Variants in STX11 observed in about 807,000 individuals in gnomAD.
STX11 encodes syntaxin-11.
STX11 carries 21 observed loss-of-function variants against 19.9 expected under a neutral mutation model. The observed-to-expected ratio is 1.06, with a 90% CI of 0.75 to 1.52. The LOEUF is 1.52. Ranked by LOEUF, STX11 falls within the 40% of genes most tolerant of loss-of-function variation. The probability of loss-of-function intolerance (pLI) is 0.00; values close to 1 mark genes in which losing one functional copy is unlikely to be tolerated. For missense variants in STX11, 438 were observed against 405.9 expected, an observed-to-expected ratio of 1.08 and a Z score of -0.68; for synonymous variants, 193 against 174.4, an observed-to-expected ratio of 1.11 and a Z score of -0.84.
rs1468649625 is a variant in STX11, at chr6:144,187,628, G to A, written c.*137G>A. The A allele has an allele frequency of 8.2e-7, 1 of 1,219,044 alleles. No homozygotes were observed. The highest frequency in any genetic ancestry group is 1.5e-5 in the African/African-American group (1 of 65,558). 75.5% of individuals were successfully genotyped at this position (1,219,044 alleles called of 1,614,324 possible). A position where few individuals can be genotyped will look rare whatever the true frequency, so the allele number is the denominator to read the frequency against. On this transcript the variant is annotated 3_prime_UTR_variant, in exon 2 of 2. Coordinates refer to ENST00000367568, the MANE Select transcript of STX11 (RefSeq NM_003764.4). The surrounding 1 kb of genome is among the most constrained non-coding windows in gnomAD (Gnocchi z 5.6). ...CTCAGTCTTTAGAAAAGAAACGCCA[G>A]GTTCAAGAATTGCAAACCAGCCTGT...
rs1203316679 is a variant in STX11 at position 144,167,603 on chromosome 6, C to T, written c.-6+16900C>T. 2.0e-5 allele frequency among the ~76,000 whole-genome samples: 3 copies of T among 152,182 alleles called. No individual in the cohort carries two copies. The highest frequency in any genetic ancestry group is 2.1e-4 in the South Asian group (1 of 4,830). On this transcript the variant is annotated intron_variant, in intron 1 of 1. Coordinates refer to ENST00000367568, the MANE Select transcript of STX11 (RefSeq NM_003764.4). The surrounding 1 kb of genome is among the most constrained non-coding windows in gnomAD (Gnocchi z 5.0). ...ATGCTGCTGATAAGCAATCACTTCT[C>T]CTTTTTTTCATTTCTTTTTTATTTT...
At chr6:144,158,147 C>G (rs1801225026) in intron 1 of STX11, among the ~76,000 whole-genome samples, 1 of 152,210 alleles carries the variant, frequency 6.6e-6, no homozygotes, top group Non-Finnish European at 1.5e-5. Flanking sequence ...ACCCTAAACT[C>G]TTATGCCTTT....
chr6:144,187,228 C>T lies in STX11; in HGVS notation c.601C>T (p.Arg201Trp). The T allele has an allele frequency of 6.2e-7, 1 of 1,613,900 alleles. No homozygotes were observed. Among genetic ancestry groups the T allele is most frequent in the Middle Eastern group, 1.6e-4 (1 of 6,062 alleles). ...ENLLADVKGA[R>W]AALNEIESRH... ...CTTGCTGGCCGACGTGAAGGGCGCG[C>T]GGGCCGCCCTCAACGAGATCGAGAG... The change falls in exon 2 of 2, where the codon CGG becomes TGG. Residue 201 changes from arginine (R) to tryptophan (W), a missense_variant. Physicochemically the swap from Arg to Trp is moderately radical, Grantham distance 101. Transcript: ENST00000367568. The surrounding 1 kb of genome is among the most constrained non-coding windows in gnomAD (Gnocchi z 5.6).
chr6:144,180,548 T>C lies in STX11; in HGVS notation c.-5-6075T>C, dbSNP rs1801886307. 6.6e-6 allele frequency among the ~76,000 whole-genome samples: 1 copy of C among 152,192 alleles called. No homozygotes were observed. Among genetic ancestry groups the C allele is most frequent in the South Asian group, 2.1e-4 (1 of 4,830 alleles). ...GTTTATCAGGGGTTTCTGCTTTTGC[T>C]CCTTCCTCATTTTCTCTTGCCACCA... On this transcript the variant is annotated intron_variant, in intron 1 of 1. Transcript: ENST00000367568. This position sits in a 1 kb window ranked among gnomAD's most constrained non-coding sequence, Gnocchi z 5.3.
chr6:144,155,988 T>C lies in STX11; in HGVS notation c.-6+5285T>C, dbSNP rs1034629021. ...TTTCTTTCTTTCTTTCTTTCTTTCT[T>C]TCTTTCTTTCTTTCTTTCTTTCTTT... On this transcript the variant is annotated intron_variant, in intron 1 of 1. Transcript: ENST00000367568. The surrounding 1 kb of genome is among the most constrained non-coding windows in gnomAD (Gnocchi z 4.5). Among the ~76,000 whole-genome samples the C allele has an allele frequency of 2.0e-3, 268 of 132,640 alleles. 15 individuals are homozygous for C. In the East Asian group the frequency reaches 0.035, roughly 18 times the overall value. 87.0% of individuals were successfully genotyped at this position (132,640 alleles called of 152,430 possible).
At position 144,176,809 on chromosome 6, in the gene STX11, A is replaced by G. The variant is rs187657747; in HGVS notation, c.-5-9814A>G. ...AAAAAGCAAGGAAGTGTGTCCAGGC[A>G]TTTTAGAAGAGGATTTCCAACAAAG... On this transcript the variant is annotated intron_variant, in intron 1 of 1. Coordinates refer to ENST00000367568, the MANE Select transcript of STX11 (RefSeq NM_003764.4). This position sits in a 1 kb window ranked among gnomAD's most constrained non-coding sequence, Gnocchi z 4.1. Among the ~76,000 whole-genome samples, 8 of 152,272 alleles carry G rather than the reference A, an allele frequency of 5.3e-5. No individual in the cohort carries two copies. The highest frequency in any genetic ancestry group is 1.4e-4 in the African/African-American group (6 of 41,566).
At chr6:144,178,840 T>C (rs1427352693) in intron 1 of STX11, among the ~76,000 whole-genome samples, 1 of 62,870 alleles carries the variant, frequency 1.6e-5, no homozygotes, top group Non-Finnish European at 4.0e-5. Context: ...CGATACAAGC[T>C]TTTTTTTTTT....
In STX11 at chr6:144,153,793, G is replaced by A. The variant is rs1482647664; in HGVS notation, c.-6+3090G>A. ...TTTAATAGGTGGAACCCTGTCGGGTGTGTGTAATGAGGAGGTAGGAGCAGT... is the reference window on the plus strand; with the variant it reads ...TTTAATAGGTGGAACCCTGTCGGGTATGTGTAATGAGGAGGTAGGAGCAGT... On this transcript the variant is annotated intron_variant, in intron 1 of 1. Coordinates refer to ENST00000367568, the MANE Select transcript of STX11 (RefSeq NM_003764.4). This position sits in a 1 kb window ranked among gnomAD's most constrained non-coding sequence, Gnocchi z 5.0. 2.7e-4 allele frequency among the ~76,000 whole-genome samples: 41 copies of A among 152,142 alleles called. No individual in the cohort carries two copies. The highest frequency in any genetic ancestry group is 1.5e-5 in the Non-Finnish European group (1 of 68,026).
In STX11 at chr6:144,155,270, G is replaced by A. The variant is rs1801106848; in HGVS notation, c.-6+4567G>A. On this transcript the variant is annotated intron_variant, in intron 1 of 1. Transcript: ENST00000367568. The surrounding 1 kb of genome is among the most constrained non-coding windows in gnomAD (Gnocchi z 4.5). The stretch of plus-strand genomic sequence containing the variant: ...AACTGAATCAGCAAACTCACTTATT[G>A]AAGCTTTAAAATGTTCAAATGTCCA... Among the ~76,000 whole-genome samples, 1 of 152,180 alleles carries A rather than the reference G, an allele frequency of 6.6e-6. No individual in the cohort carries two copies. The highest frequency in any genetic ancestry group is 2.4e-5 in the African/African-American group (1 of 41,440).
chr6:144,157,440 G>A (rs760976991), intron 1 of STX11, among the ~76,000 whole-genome samples: 7 of 152,122 alleles, frequency 4.6e-5, no homozygotes, highest in Non-Finnish European at 1.0e-4. Context: ...GGTCCAGAAG[G>A]GGATCTGGAT....
Position 144,155,946 on chromosome 6 carries a change from CTTTCTTTCTTTCTTTCTTTCTTT to C in STX11, c.-6+5244_-6+5266del, listed in dbSNP as rs1235759323. On this transcript the variant is annotated intron_variant, in intron 1 of 1. Coordinates refer to ENST00000367568, the MANE Select transcript of STX11 (RefSeq NM_003764.4). The surrounding 1 kb of genome is among the most constrained non-coding windows in gnomAD (Gnocchi z 4.5). Reference sequence around the variant, plus strand: ...AAATGTGTTTTAAAATTTAATCTTTCTTTCTTTCTTTCTTTCTTTCTTTCTTTCTTTCTTTCTTTCTTTCTTTC... The same window carrying C: ...AAATGTGTTTTAAAATTTAATCTTTCCTTTCTTTCTTTCTTTCTTTCTTTC... Among the ~76,000 whole-genome samples the C allele has an allele frequency of 5.4e-4, 13 of 23,932 alleles. No homozygotes were observed. Among genetic ancestry groups the C allele is most frequent in the East Asian group, 2.3e-3 (4 of 1,736 alleles). 15.7% of individuals were successfully genotyped at this position (23,932 alleles called of 152,430 possible).
In STX11 at chr6:144,162,639, A is replaced by G. The variant is rs1394998871; in HGVS notation, c.-6+11936A>G. On this transcript the variant is annotated intron_variant, in intron 1 of 1. Transcript: ENST00000367568. The surrounding 1 kb of genome is among the most constrained non-coding windows in gnomAD (Gnocchi z 4.6). ...AAAACATAGAGGATGGATCATAGGC[A>G]TGGGATGTTTTGATGGACAAATTTG... Among the ~76,000 whole-genome samples, 4 of 152,188 alleles carry G rather than the reference A, an allele frequency of 2.6e-5. No homozygotes were observed. The highest frequency in any genetic ancestry group is 4.8e-5 in the African/African-American group (2 of 41,460).
At chr6:144,179,541 G>T (rs560841477) in intron 1 of STX11, among the ~76,000 whole-genome samples, 1 of 152,302 alleles carries the variant, frequency 6.6e-6, no homozygotes, top group African/African-American at 2.4e-5. Context: ...GGTGCCTCTG[G>T]TAGCGGGGAT....
rs1465913402 is a variant in STX11, at chr6:144,155,993, T to C, written c.-6+5290T>C. Among the ~76,000 whole-genome samples the C allele has an allele frequency of 1.8e-4, 24 of 132,814 alleles. No homozygotes were observed. The highest frequency in any genetic ancestry group is 1.0e-3 in the East Asian group (4 of 4,004). The allele number at this position is 132,814 out of a possible 152,430, so 87.1% of individuals were successfully genotyped here. A position where few individuals can be genotyped will look rare whatever the true frequency, so the allele number is the denominator to read the frequency against. On this transcript the variant is annotated intron_variant, in intron 1 of 1. Transcript: ENST00000367568. The surrounding 1 kb of genome is among the most constrained non-coding windows in gnomAD (Gnocchi z 4.5). The stretch of plus-strand genomic sequence containing the variant: ...TTCTTTCTTTCTTTCTTTCTTTCTT[T>C]CTTTCTTTCTTTCTTTCTTTCTCTC...
rs1801004935 is a variant in STX11 at position 144,151,475 on chromosome 6, A to G, written c.-6+772A>G. 4 of 975,176 alleles carry G rather than the reference A, an allele frequency of 4.1e-6. No homozygotes were observed. Among genetic ancestry groups the G allele is most frequent in the Non-Finnish European group, 4.9e-6 (4 of 820,720 alleles). The allele number at this position is 975,176 out of a possible 1,614,324, so 60.4% of individuals were successfully genotyped here. ...TTTGTTAATGAACTTTTGAAAAGCGAGGCTTGCTTTAAAATGAGACTCTAG... is the reference window on the plus strand; with the variant it reads ...TTTGTTAATGAACTTTTGAAAAGCGGGGCTTGCTTTAAAATGAGACTCTAG... On this transcript the variant is annotated intron_variant, in intron 1 of 1. Transcript: ENST00000367568. This position sits in a 1 kb window ranked among gnomAD's most constrained non-coding sequence, Gnocchi z 4.6.
chr6:144,185,051 C>T (rs1227512591), intron 1 of STX11, among the ~76,000 whole-genome samples: 1 of 152,150 alleles, frequency 6.6e-6, no homozygotes, highest in Admixed American at 6.5e-5. Flanking sequence ...GGAGAATCAC[C>T]TTCCCCATCC....
rs1000418365 is a variant in STX11 at position 144,174,559 on chromosome 6, G to C, written c.-5-12064G>C. The stretch of plus-strand genomic sequence containing the variant: ...TAATTTTTGTGTTTTTGTAGAGCTG[G>C]ATTTTGCCCTGTTACCCAGGCTGGT... On this transcript the variant is annotated intron_variant, in intron 1 of 1. Coordinates refer to ENST00000367568, the MANE Select transcript of STX11 (RefSeq NM_003764.4). This position sits in a 1 kb window ranked among gnomAD's most constrained non-coding sequence, Gnocchi z 5.3. Among the ~76,000 whole-genome samples, 1 of 151,942 alleles carries C rather than the reference G, an allele frequency of 6.6e-6. No homozygotes were observed. Among genetic ancestry groups the C allele is most frequent in the South Asian group, 2.1e-4 (1 of 4,816 alleles).
chr6:144,181,775 G>A (rs974311490), intron 1 of STX11, among the ~76,000 whole-genome samples: 4 of 152,062 alleles, frequency 2.6e-5, no homozygotes, highest in Non-Finnish European at 4.4e-5. Flanking sequence ...CTTGCAGACC[G>A]AGGACCACTG....
the STX11 span, chr6:144,140,918 A>G: frequency 2.0e-6 from 1 of 493,496 alleles, no homozygotes; most frequent in African/African-American, 2.1e-5. Context: ...TGAAAATTAC[A>G]CTTGTTGAAA....
Sources: allele counts gnomAD v4.1 joint callset (sites outside exome capture counted in the v4.1 genomes callset), GRCh38; gene constraint gnomAD v4.1.1; non-coding constraint Gnocchi (gnomAD v3.1); transcripts MANE v1.5; gene names NCBI Gene and HGNC (gene_info 2026-07-23, HGNC 2026-07-21).